Variants in DTX3L observed in about 807,000 individuals in gnomAD.
DTX3L encodes E3 ubiquitin-protein ligase DTX3L.
In DTX3L, 34 loss-of-function variants were observed where a neutral mutation model predicts 60.9. That is an observed-to-expected ratio of 0.56 (90% CI 0.42 to 0.74). The LOEUF (loss-of-function observed/expected upper bound fraction) is 0.74, where lower values mean the gene tolerates loss of function less well. Among genes scored for constraint, DTX3L ranks in the 30% least tolerant of loss-of-function variants. The pLI is 0.00. For synonymous variants in DTX3L, 290 were observed against 316.6 expected, an observed-to-expected ratio of 0.92 and a Z score of 0.89; for missense variants, 810 against 874.0, an observed-to-expected ratio of 0.93 and a Z score of 0.92.
In DTX3L at chr3:122,573,660, A is replaced by G. The variant is rs2080663467; in HGVS notation, c.*1913A>G. On this transcript the variant is annotated 3_prime_UTR_variant, in exon 5 of 5. Transcript: ENST00000296161. ...TTATTCTAGAACACTTGGAGCCTGA[A>G]CTCTGACCAGGCCCCTCACTTGAGC... 1 of 151,854 alleles carries G rather than the reference A, an allele frequency of 6.6e-6. No homozygotes were observed. Among genetic ancestry groups the G allele is most frequent in the South Asian group, 2.1e-4 (1 of 4,814 alleles). 9.4% of individuals were successfully genotyped at this position (151,854 alleles called of 1,614,324 possible).
chr3:122,571,757 T>C lies in DTX3L; in HGVS notation c.*10T>C. The C allele has an allele frequency of 6.2e-7, 1 of 1,605,748 alleles. No homozygotes were observed. Among genetic ancestry groups the C allele is most frequent in the Non-Finnish European group, 8.5e-7 (1 of 1,174,994 alleles). On this transcript the variant is annotated 3_prime_UTR_variant, in exon 5 of 5. Coordinates refer to ENST00000296161, the MANE Select transcript of DTX3L (RefSeq NM_138287.3). The stretch of plus-strand genomic sequence containing the variant: ...CAAAGGAATTGAGTAAGACAACTGC[T>C]GGAAGATGTCTTAAATCAAGCTTTC...
chr3:122,565,811 T>C lies in DTX3L; in HGVS notation c.188-48T>C, dbSNP rs2080573690. Reference sequence around the variant, plus strand: ...GAATGAGAGGATTACTTGAAATCTCTCCCATTTTTATGTGTGTATATGTGT... The same window carrying C: ...GAATGAGAGGATTACTTGAAATCTCCCCCATTTTTATGTGTGTATATGTGT... On this transcript the variant is annotated intron_variant, in intron 1 of 4. Coordinates refer to ENST00000296161, the MANE Select transcript of DTX3L (RefSeq NM_138287.3). The C allele has an allele frequency of 1.9e-6, 3 of 1,569,578 alleles. 1 individual carries two copies. In the South Asian group the frequency reaches 3.3e-5, roughly 18 times the overall value.
Position 122,566,066 on chromosome 3 carries a change from A to G in DTX3L, c.395A>G (p.Gln132Arg). 6.2e-7 allele frequency: 1 copy of G among 1,613,938 alleles called. No homozygotes were observed. The highest frequency in any genetic ancestry group is 8.5e-7 in the Non-Finnish European group (1 of 1,179,826). ...CCTAATGCTGTGGATTCCTGTCTCC[A>G]AAAGGTGAGTATTGAAAGAAGGAGC... ...HIPNAVDSCL[Q>R]KIFLTVTADL... is the part of the protein sequence containing the mutation. The change falls in exon 2 of 5, where the codon CAA becomes CGA. Residue 132 changes from glutamine to arginine, a missense_variant. Transcript: ENST00000296161.
At position 122,568,644 on chromosome 3, in the gene DTX3L, T is replaced by A. The variant is rs768299894; in HGVS notation, c.555T>A (p.His185Gln). The A allele has an allele frequency of 4.3e-6, 7 of 1,614,004 alleles. No homozygotes were observed. The African/African-American group carries it at 5.3e-5, about 12-fold the overall frequency. ...CGDFQDIERIHQFLSEQFLES... is the reference protein window; with the variant it reads ...CGDFQDIERIQQFLSEQFLES... ...ACTTCCAAGACATTGAAAGAATACA[T>A]CAATTTTTGAGTGAGCAGTTCCTGG... Residue 185 changes from histidine (H) to glutamine (Q), a missense_variant, in exon 3 of 5, where the codon CAT becomes CAA. His to Gln is a conservative substitution (Grantham distance 24, BLOSUM62 0). Transcript: ENST00000296161.
rs1559904531 is a variant in DTX3L at position 122,570,520 on chromosome 3, T to A, written c.2001T>A (p.Asn667Lys). 1 of 1,614,004 alleles carries A rather than the reference T, an allele frequency of 6.2e-7. No homozygotes were observed. The highest frequency in any genetic ancestry group is 8.5e-7 in the Non-Finnish European group (1 of 1,180,002). Residue 667 changes from asparagine (N) to lysine (K), a missense_variant, in exon 4 of 5, where the codon AAT becomes AAA. Transcript: ENST00000296161. ...GIQRTAYLPD[N>K]KEGRKVLKLL... is the part of the protein sequence containing the mutation. Reference sequence around the variant, plus strand: ...AGCGAACTGCATACTTGCCTGATAATAAGGAAGGAAGGAAGGTTTTGAAAC... The same window carrying A: ...AGCGAACTGCATACTTGCCTGATAAAAAGGAAGGAAGGAAGGTTTTGAAAC...
At position 122,569,323 on chromosome 3, in the gene DTX3L, A is replaced by G. The variant is rs571538735; in HGVS notation, c.1234A>G (p.Lys412Glu). The G allele has an allele frequency of 6.8e-6, 11 of 1,614,240 alleles. No individual in the cohort carries two copies. In the Admixed American group the frequency reaches 1.7e-4, roughly 24 times the overall value. Residue 412 changes from lysine to glutamate, a missense_variant, in exon 3 of 5, where the codon AAA becomes GAA. Lys to Glu is a moderately conservative substitution (Grantham distance 56). Transcript: ENST00000296161. ...RYDICSKVSE[K>E]GQKTCILFES... is the part of the protein sequence containing the mutation. ...TGACATTTGCAGCAAGGTTTCTGAG[A>G]AAGGTCAGAAAACCTGCATTCTGTT...
chr3:122,567,254 G>C (rs1226762861), intron 2 of DTX3L, among the ~76,000 whole-genome samples: 3 of 152,144 alleles, frequency 2.0e-5, no homozygotes, highest in Non-Finnish European at 4.4e-5. Context: ...AGCCAGGGGA[G>C]AGGGCGATCT....
At chr3:122,568,256 C>T (rs1016567704) in intron 2 of DTX3L, among the ~76,000 whole-genome samples, 6 of 152,096 alleles carry the variant, frequency 3.9e-5, no homozygotes, top group African/African-American at 1.4e-4. Context: ...TTGCAGTGAG[C>T]TGAGATCGCG....
rs1199437421 is a variant in DTX3L at position 122,573,685 on chromosome 3, C to T, written c.*1938C>T. 1 of 152,246 alleles carries T rather than the reference C, an allele frequency of 6.6e-6. No individual in the cohort carries two copies. The highest frequency in any genetic ancestry group is 1.5e-5 in the Non-Finnish European group (1 of 68,086). The allele number at this position is 152,246 out of a possible 1,614,324, so 9.4% of individuals were successfully genotyped here. A position where few individuals can be genotyped will look rare whatever the true frequency, so the allele number is the denominator to read the frequency against. ...ACTCTGACCAGGCCCCTCACTTGAGCCTTTGCTTTCTGCTCCTTGTAAACT... is the reference window on the plus strand; with the variant it reads ...ACTCTGACCAGGCCCCTCACTTGAGTCTTTGCTTTCTGCTCCTTGTAAACT... On this transcript the variant is annotated 3_prime_UTR_variant, in exon 5 of 5. Coordinates refer to ENST00000296161, the MANE Select transcript of DTX3L (RefSeq NM_138287.3).
At chr3:122,570,257 G>T (rs1174170778) in intron 3 of DTX3L, 198 bp from the exon 4 acceptor site, 3 of 718,566 alleles carry the variant, frequency 4.2e-6, no homozygotes, top group African/African-American at 3.6e-5. Context: ...TCTTGAGATG[G>T]GGGTATCAGG....
chr3:122,569,966 G>A lies in DTX3L; in HGVS notation c.1877G>A (p.Gly626Asp). ...VFTVSRDSLP[G>D]YESFGTIVIT... is the part of the protein sequence containing the mutation. Reference sequence around the variant, plus strand: ...ACTGTTTCAAGAGACTCACTTCCAGGTTATGAGTCCTTTGGCACCATTGTG... The same window carrying A: ...ACTGTTTCAAGAGACTCACTTCCAGATTATGAGTCCTTTGGCACCATTGTG... Residue 626 changes from glycine to aspartate, a missense_variant, in exon 3 of 5, where the codon GGT becomes GAT. Gly to Asp is a moderately conservative substitution (Grantham distance 94). Coordinates refer to ENST00000296161, the MANE Select transcript of DTX3L (RefSeq NM_138287.3). The A allele has an allele frequency of 6.2e-7, 1 of 1,614,064 alleles. No homozygotes were observed. The highest frequency in any genetic ancestry group is 8.5e-7 in the Non-Finnish European group (1 of 1,180,022).
intron 1 of DTX3L, 36 bp from the exon 2 acceptor site, chr3:122,565,821 ATG>A (rs779022273): frequency 6.3e-7 from 1 of 1,579,298 alleles, no homozygotes; most frequent in East Asian, 2.2e-5. Flanking sequence ...TCCCATTTTT[ATG>A]TGTGTATATG....
In DTX3L at chr3:122,571,813, T is replaced by C; in HGVS notation, c.*66T>C. On this transcript the variant is annotated 3_prime_UTR_variant, in exon 5 of 5. Coordinates refer to ENST00000296161, the MANE Select transcript of DTX3L (RefSeq NM_138287.3). ...AATATATTTTAGGAGGCTGATTTAA[T>C]GCCAGTCTAAATCCTTATGTAGAAA... The C allele has an allele frequency of 7.3e-7, 1 of 1,372,072 alleles. No individual in the cohort carries two copies. The highest frequency in any genetic ancestry group is 2.4e-5 in the East Asian group (1 of 41,468). The allele number at this position is 1,372,072 out of a possible 1,614,324, so 85.0% of individuals were successfully genotyped here.
In DTX3L at chr3:122,569,327, G is replaced by A; in HGVS notation, c.1238G>A (p.Gly413Asp). 2 of 1,614,016 alleles carry A rather than the reference G, an allele frequency of 1.2e-6. No individual in the cohort carries two copies. Among genetic ancestry groups the A allele is most frequent in the Non-Finnish European group, 1.7e-6 (2 of 1,179,870 alleles). The change falls in exon 3 of 5, where the codon GGT becomes GAT. Residue 413 changes from glycine to aspartate, a missense_variant. Physicochemically the swap from Gly to Asp is moderately conservative, Grantham distance 94 (BLOSUM62 -1). Coordinates refer to ENST00000296161, the MANE Select transcript of DTX3L (RefSeq NM_138287.3). ...YDICSKVSEK[G>D]QKTCILFESK... Reference sequence around the variant, plus strand: ...ATTTGCAGCAAGGTTTCTGAGAAAGGTCAGAAAACCTGCATTCTGTTTGAA... The same window carrying A: ...ATTTGCAGCAAGGTTTCTGAGAAAGATCAGAAAACCTGCATTCTGTTTGAA...
In DTX3L at chr3:122,568,504, A is replaced by T; in HGVS notation, c.415A>T (p.Thr139Ser). 6.3e-7 allele frequency: 1 copy of T among 1,598,604 alleles called. No individual in the cohort carries two copies. The highest frequency in any genetic ancestry group is 8.5e-7 in the Non-Finnish European group (1 of 1,173,298). The change falls in exon 3 of 5, where the codon ACA becomes TCA. Residue 139 changes from threonine to serine, a missense_variant. Thr to Ser is a moderately conservative substitution (Grantham distance 58). Coordinates refer to ENST00000296161, the MANE Select transcript of DTX3L (RefSeq NM_138287.3). ...SCLQKIFLTV[T>S]ADLNCNLFSK... is the part of the protein sequence containing the mutation. ...AAAATTTCAGATCTTTCTTACTGTA[A>T]CAGCTGACCTGAACTGTAACCTGTT...
At position 122,573,243 on chromosome 3, in the gene DTX3L, T is replaced by A. The variant is rs1191055695; in HGVS notation, c.*1496T>A. 1 of 152,076 alleles carries A rather than the reference T, an allele frequency of 6.6e-6. No homozygotes were observed. Among genetic ancestry groups the A allele is most frequent in the Non-Finnish European group, 1.5e-5 (1 of 68,038 alleles). The allele number at this position is 152,076 out of a possible 1,614,324, so 9.4% of individuals were successfully genotyped here. On this transcript the variant is annotated 3_prime_UTR_variant, in exon 5 of 5. Transcript: ENST00000296161. ...AATCTGCCCCCATGACCCAGACCCC[T>A]CCCGTTAGGCTTCACCTCCAACACT...
chr3:122,569,079 A>G lies in DTX3L; in HGVS notation c.990A>G (p.Thr330=), dbSNP rs772626626. ...KFKQELNHQF[T]KLLIKEKGGE... ...AACAGGAATTGAATCACCAGTTTAC[A>G]AAGCTCCTTATAAAGGAGAAAGGAG... Residue 330 remains threonine, a synonymous_variant, in exon 3 of 5, where the codon ACA becomes ACG. Transcript: ENST00000296161. 57 of 1,614,034 alleles carry G rather than the reference A, an allele frequency of 3.5e-5. No homozygotes were observed. The highest frequency in any genetic ancestry group is 4.2e-6 in the Non-Finnish European group (5 of 1,180,028).
At position 122,570,334 on chromosome 3, in the gene DTX3L, G is replaced by A. The variant is rs774162711; in HGVS notation, c.1936-121G>A. Reference sequence around the variant, plus strand: ...GAAATATGAGTTATTGGGAATATGAGCATAACTTCAATACCTTTCTTGCTT... The same window carrying A: ...GAAATATGAGTTATTGGGAATATGAACATAACTTCAATACCTTTCTTGCTT... On this transcript the variant is annotated intron_variant, in intron 3 of 4. Transcript: ENST00000296161. 4.1e-5 allele frequency: 41 copies of A among 1,001,486 alleles called. No individual in the cohort carries two copies. In the Admixed American group the frequency reaches 5.7e-4, roughly 14 times the overall value. The allele number at this position is 1,001,486 out of a possible 1,614,324, so 62.0% of individuals were successfully genotyped here.
intron 2 of DTX3L, among the ~76,000 whole-genome samples, chr3:122,566,544 G>A (rs1432566953): frequency 2.2e-5 from 3 of 134,148 alleles, no homozygotes; most frequent in African/African-American, 8.1e-5. Context: ...TTTTTTTTTT[G>A]TAGAAACAGA....
Sources: allele counts gnomAD v4.1 joint callset (sites outside exome capture counted in the v4.1 genomes callset), GRCh38; gene constraint gnomAD v4.1.1; transcripts MANE v1.5; gene names NCBI Gene and HGNC (gene_info 2026-07-23, HGNC 2026-07-21).